Variants in NTRK2 observed in about 807,000 individuals in gnomAD.
The protein encoded by NTRK2 is neurotrophic receptor tyrosine kinase 2, also known as BDNF/NT-3 growth factors receptor.
In NTRK2, 13 loss-of-function variants were observed where a neutral mutation model predicts 94.5. The observed-to-expected ratio is 0.14, with a 90% confidence interval of 0.09 to 0.22. The LOEUF is 0.22. Ranked by LOEUF, NTRK2 falls within the 10% of genes least tolerant of loss-of-function variation. The probability of loss-of-function intolerance (pLI) is 1.00; values close to 1 mark genes in which losing one functional copy is unlikely to be tolerated. For missense variants in NTRK2, 639 were observed against 1,071.2 expected (o/e 0.60, Z 5.63); for synonymous variants, 372 against 407.4 (o/e 0.91, Z 1.05).
At position 85,021,371 on chromosome 9, in the gene NTRK2, G is replaced by A. The variant is rs373361858; in HGVS notation, c.2451G>A (p.Lys817=). 10 of 1,614,066 alleles carry A rather than the reference G, an allele frequency of 6.2e-6. No homozygotes were observed. The African/African-American group carries it at 9.3e-5, about 15-fold the overall frequency. Reference sequence around the variant, plus strand: ...AGCCCCACATGAGGAAGAACATCAAGGGCATCCATACCCTCCTTCAGAACT... The same window carrying A: ...AGCCCCACATGAGGAAGAACATCAAAGGCATCCATACCCTCCTTCAGAACT... The part of the protein sequence containing the change: ...QREPHMRKNI[K]GIHTLLQNLA... Residue 817 remains lysine (K), a synonymous_variant, in exon 19 of 19, where the codon AAG becomes AAA. Coordinates refer to ENST00000277120, the MANE Select transcript of NTRK2 (RefSeq NM_006180.6).
chr9:84,836,467 G>A (rs1324698773), intron 12 of NTRK2, among the ~76,000 whole-genome samples: 2 of 151,836 alleles, frequency 1.3e-5, no homozygotes, highest in African/African-American at 4.8e-5. Context: ...CATGTGAGTT[G>A]CAGTAGGGAA....
intron 12 of NTRK2, among the ~76,000 whole-genome samples, chr9:84,787,718 C>G (rs2068264358): frequency 6.6e-6 from 1 of 152,140 alleles, no homozygotes; most frequent in Admixed American, 6.5e-5. Context: ...AGTATTTCTT[C>G]AATTGCAAAA....
At chr9:84,772,116 G>A (rs1309931603) in intron 12 of NTRK2, among the ~76,000 whole-genome samples, 2 of 152,134 alleles carry the variant, frequency 1.3e-5, no homozygotes, top group East Asian at 1.9e-4. Flanking sequence ...CCTGAGAATG[G>A]TCTAAAGGTT....
At chr9:84,939,029 G>C (rs1369004057) in intron 15 of NTRK2, among the ~76,000 whole-genome samples, 2 of 125,098 alleles carry the variant, frequency 1.6e-5, no homozygotes, top group African/African-American at 3.2e-5. Context: ...TCCACTCTGG[G>C]TGACAGAGTG....
At chr9:85,005,587 A>T (rs1357458307) in intron 17 of NTRK2, among the ~76,000 whole-genome samples, 3 of 152,220 alleles carry the variant, frequency 2.0e-5, no homozygotes, top group Admixed American at 6.5e-5. Flanking sequence ...AGATATAGAC[A>T]CACACCCCAG....
intron 12 of NTRK2, chr9:84,811,904 T>TCCCCCCC: frequency 1.9e-6 from 2 of 1,053,864 alleles, no homozygotes; most frequent in Non-Finnish European, 1.1e-6. Flanking sequence ...GGTTTGGCTA[T>TCCCCCCC]CCCCACCCCA....
chr9:84,863,749 T>A (rs2075438506), intron 13 of NTRK2, among the ~76,000 whole-genome samples: 1 of 152,242 alleles, frequency 6.6e-6, no homozygotes, highest in Admixed American at 6.5e-5. Context: ...GGAACATCAA[T>A]AATGAAGAAA....
At chr9:84,928,272 T>C (rs1198215349) in intron 14 of NTRK2, among the ~76,000 whole-genome samples, 5 of 152,230 alleles carry the variant, frequency 3.3e-5, no homozygotes, top group Non-Finnish European at 7.3e-5. Flanking sequence ...ATGCTGCTAA[T>C]ACATGAAGAT....
At chr9:84,836,948 A>G (rs1365640667) in intron 12 of NTRK2, among the ~76,000 whole-genome samples, 2 of 140,210 alleles carry the variant, frequency 1.4e-5, no homozygotes, top group South Asian at 2.3e-4. Flanking sequence ...AATATAATAT[A>G]ATATAATATA....
intron 2 of NTRK2, among the ~76,000 whole-genome samples, chr9:84,685,819 C>T (rs758590314): frequency 1.3e-5 from 2 of 152,202 alleles, no homozygotes; most frequent in Non-Finnish European, 2.9e-5. Flanking sequence ...CTCTTATAGC[C>T]CCCTGTGTTT....
intron 12 of NTRK2, among the ~76,000 whole-genome samples, chr9:84,754,589 A>C (rs1279482515): frequency 6.6e-6 from 1 of 152,224 alleles, no homozygotes; most frequent in Non-Finnish European, 1.5e-5. Flanking sequence ...AGAAAATGTA[A>C]AAACACTATT....
chr9:84,731,056 T>C (rs978739692), intron 9 of NTRK2, among the ~76,000 whole-genome samples: 3 of 152,102 alleles, frequency 2.0e-5, no homozygotes, highest in Admixed American at 2.0e-4. Flanking sequence ...GGGCTCACTG[T>C]GAAGCTAGTT....
chr9:85,018,227 G>A (rs919972604), intron 17 of NTRK2, among the ~76,000 whole-genome samples: 1 of 152,054 alleles, frequency 6.6e-6, no homozygotes, highest in South Asian at 2.1e-4. Flanking sequence ...AGTTCTTTAT[G>A]GTTTGCTCAC....
At chr9:84,864,932 G>A (rs960906317) in intron 13 of NTRK2, among the ~76,000 whole-genome samples, 1 of 151,584 alleles carries the variant, frequency 6.6e-6, no homozygotes, top group Admixed American at 6.6e-5. Context: ...GTTGAGACAG[G>A]GTTTCACCAT....
chr9:84,773,108 T>A (rs1159961183), intron 12 of NTRK2, among the ~76,000 whole-genome samples: 1 of 152,254 alleles, frequency 6.6e-6, no homozygotes, highest in East Asian at 1.9e-4. Flanking sequence ...GTATTAAAGT[T>A]GGAAGTGATT....
At chr9:84,813,781 T>C in intron 12 of NTRK2, 1 of 1,065,974 alleles carries the variant, frequency 9.4e-7, no homozygotes, top group African/African-American at 1.6e-5. Context: ...CGCTCATGTC[T>C]CTTGGCCCAG....
chr9:84,699,663 GT>G (rs34384973), intron 2 of NTRK2, among the ~76,000 whole-genome samples: 1,610 of 140,134 alleles, frequency 0.011, 29 homozygotes, highest in East Asian at 0.071. Flanking sequence ...TTATGTGTGT[GT>G]TTTTTTTTTT....
intron 14 of NTRK2, among the ~76,000 whole-genome samples, chr9:84,930,386 G>A (rs1246937844): frequency 6.6e-6 from 1 of 152,168 alleles, no homozygotes; most frequent in Non-Finnish European, 1.5e-5. Context: ...CTCAGTGGGT[G>A]AGAGGAGCAA....
At chr9:84,909,263 T>C (rs551744230) in intron 14 of NTRK2, among the ~76,000 whole-genome samples, 1 of 152,342 alleles carries the variant, frequency 6.6e-6, no homozygotes, top group Admixed American at 6.5e-5. Context: ...TTTGTTTCTA[T>C]TGATTGCTGA....
Sources: allele counts gnomAD v4.1 joint callset (sites outside exome capture counted in the v4.1 genomes callset), GRCh38; gene constraint gnomAD v4.1.1; transcripts MANE v1.5; gene names NCBI Gene and HGNC (gene_info 2026-07-23, HGNC 2026-07-21).